The following DEPTOR variants were observed in gnomAD, a reference collection of about 807,000 sequenced individuals.
DEPTOR encodes the protein DEP domain-containing mTOR-interacting protein.
DEPTOR carries 41 observed loss-of-function variants against 41.6 expected under a neutral mutation model. That is an observed-to-expected ratio of 0.98 (90% CI 0.77 to 1.28). The LOEUF is 1.28. Ranked by LOEUF, DEPTOR falls within the 50% of genes most tolerant of loss-of-function variation. DEPTOR has a pLI of 0.00. For synonymous variants in DEPTOR, 195 were observed against 192.3 expected (o/e 1.01, Z -0.12); for missense variants, 514 against 527.9 (o/e 0.97, Z 0.26).
chr8:119,994,344 A>T (rs908276591), intron 4 of DEPTOR, among the ~76,000 whole-genome samples: 2 of 152,170 alleles, frequency 1.3e-5, no homozygotes, highest in Non-Finnish European at 2.9e-5. Flanking sequence ...TCCCTCTGGA[A>T]TACAAACTCT....
chr8:120,040,521 G>A (rs1241899932), intron 8 of DEPTOR, among the ~76,000 whole-genome samples: 1 of 152,074 alleles, frequency 6.6e-6, no homozygotes, highest in Non-Finnish European at 1.5e-5. Context: ...GGTAGGTCTT[G>A]GATAAGATCT....
At chr8:119,894,686 G>A (rs1026633890) in intron 1 of DEPTOR, among the ~76,000 whole-genome samples, 3 of 152,122 alleles carry the variant, frequency 2.0e-5, no homozygotes, top group East Asian at 1.9e-4. Context: ...GTGAGCCAAC[G>A]CGCCTGGCCT....
At chr8:119,919,877 T>A (rs906885299) in intron 1 of DEPTOR, among the ~76,000 whole-genome samples, 12 of 152,220 alleles carry the variant, frequency 7.9e-5, no homozygotes, top group Admixed American at 4.6e-4. Context: ...TGCAAGCTAT[T>A]TTTGAAAAAC....
chr8:120,040,216 G>A (rs994333304), intron 8 of DEPTOR, among the ~76,000 whole-genome samples: 12 of 152,282 alleles, frequency 7.9e-5, no homozygotes, highest in African/African-American at 2.9e-4. Flanking sequence ...TGCTCATGGT[G>A]AAAGAATGCT....
intron 8 of DEPTOR, among the ~76,000 whole-genome samples, chr8:120,013,519 T>C (rs1246841367): frequency 6.6e-6 from 1 of 152,138 alleles, no homozygotes; most frequent in African/African-American, 2.4e-5. Flanking sequence ...ACTGCAGAGT[T>C]TGGGGTGTGT....
chr8:119,875,937 G>A (rs1323455321), intron 1 of DEPTOR, among the ~76,000 whole-genome samples: 2 of 152,210 alleles, frequency 1.3e-5, no homozygotes, highest in Non-Finnish European at 1.5e-5. Context: ...AGCTGTAGCA[G>A]GCGAGTGATA....
Position 119,894,384 on chromosome 8 carries a change from T to TTTTA in DEPTOR, c.122+20440_122+20443dup, listed in dbSNP as rs35523236. Among the ~76,000 whole-genome samples, 124 of 46,484 alleles carry TTTTA rather than the reference T, an allele frequency of 2.7e-3. 1 individual carries two copies. The highest frequency in any genetic ancestry group is 0.011 in the Middle Eastern group (1 of 90). 30.5% of individuals were successfully genotyped at this position (46,484 alleles called of 152,430 possible). A position where few individuals can be genotyped will look rare whatever the true frequency, so the allele number is the denominator to read the frequency against. The stretch of plus-strand genomic sequence containing the variant: ...CTGCACCTGGCCTCTAATAGTTCTT[T>TTTTA]TTTATTTATTTATTTATTTATTTAT... On this transcript the variant is annotated intron_variant, in intron 1 of 8. Coordinates refer to ENST00000286234, the MANE Select transcript of DEPTOR (RefSeq NM_022783.4).
At chr8:119,901,675 CAAAAAAAAAAA>C (rs36026315) in intron 1 of DEPTOR, among the ~76,000 whole-genome samples, 5 of 88,298 alleles carry the variant, frequency 5.7e-5, no homozygotes, top group African/African-American at 1.8e-4. Context: ...GACTCTGTCT[CAAAAAAAAAAA>C]AAAAAAAAGA....
intron 1 of DEPTOR, among the ~76,000 whole-genome samples, chr8:119,909,031 C>T (rs1167022267): frequency 6.6e-6 from 1 of 152,176 alleles, no homozygotes; most frequent in African/African-American, 2.4e-5. Context: ...TCATTTACTT[C>T]TTGGTGCCTG....
intron 4 of DEPTOR, among the ~76,000 whole-genome samples, chr8:119,974,757 G>A (rs1161259280): frequency 1.3e-5 from 2 of 151,230 alleles, no homozygotes; most frequent in East Asian, 3.9e-4. Flanking sequence ...GGGCGACAGA[G>A]CAAGACTCTG....
Position 120,014,905 on chromosome 8 carries a change from A to G in DEPTOR, c.1101+5772A>G, listed in dbSNP as rs546896613. Among the ~76,000 whole-genome samples the G allele has an allele frequency of 1.6e-4, 9 of 57,084 alleles. No individual in the cohort carries two copies. In the East Asian group the frequency reaches 2.3e-3, roughly 14 times the overall value. 37.4% of individuals were successfully genotyped at this position (57,084 alleles called of 152,430 possible). A position where few individuals can be genotyped will look rare whatever the true frequency, so the allele number is the denominator to read the frequency against. ...TTCATGTCACAACCTTGAATGATAT[A>G]ATCTTTTTTTTTTAATCACATCAAG... is the stretch of plus-strand genomic sequence containing the variant. On this transcript the variant is annotated intron_variant, in intron 8 of 8. Transcript: ENST00000286234.
At chr8:120,028,126 A>G (rs192664125) in intron 8 of DEPTOR, among the ~76,000 whole-genome samples, 26 of 152,264 alleles carry the variant, frequency 1.7e-4, no homozygotes, top group Admixed American at 4.6e-4. Flanking sequence ...TATGAAATAT[A>G]TTGTGAAGGC....
intron 6 of DEPTOR, among the ~76,000 whole-genome samples, chr8:120,005,420 C>T (rs930180277): frequency 6.6e-6 from 1 of 152,258 alleles, no homozygotes; most frequent in African/African-American, 2.4e-5. Context: ...TGAGAGGGTG[C>T]TTCTCAGGCC....
chr8:119,994,651 C>T (rs891023218), intron 4 of DEPTOR, among the ~76,000 whole-genome samples: 1 of 152,120 alleles, frequency 6.6e-6, no homozygotes, highest in Non-Finnish European at 1.5e-5. Context: ...GGCGCAGTGG[C>T]TCACACCTGT....
At chr8:119,955,749 A>T (rs1362653314) in intron 3 of DEPTOR, among the ~76,000 whole-genome samples, 1 of 152,204 alleles carries the variant, frequency 6.6e-6, no homozygotes, top group Admixed American at 6.5e-5. Flanking sequence ...TACAGGTGTG[A>T]GCCACTGCAC....
At chr8:119,905,180 T>C (rs1827646567) in intron 1 of DEPTOR, among the ~76,000 whole-genome samples, 1 of 152,050 alleles carries the variant, frequency 6.6e-6, no homozygotes, top group South Asian at 2.1e-4. Flanking sequence ...GATGGCAATA[T>C]GAAAACCATT....
chr8:119,989,350 A>C lies in DEPTOR; in HGVS notation c.605-12175A>C, dbSNP rs544279221. Reference sequence around the variant, plus strand: ...CATTTCCAGCCAAATTACCGTCTGTAACCTGGAAACAGGAATAAATGTGGG... The same window carrying C: ...CATTTCCAGCCAAATTACCGTCTGTCACCTGGAAACAGGAATAAATGTGGG... On this transcript the variant is annotated intron_variant, in intron 4 of 8. Transcript: ENST00000286234. 9.2e-5 allele frequency among the ~76,000 whole-genome samples: 14 copies of C among 152,270 alleles called. No homozygotes were observed. The South Asian group carries it at 2.7e-3, about 29-fold the overall frequency.
At chr8:119,895,287 G>A (rs755213130) in intron 1 of DEPTOR, among the ~76,000 whole-genome samples, 2 of 152,198 alleles carry the variant, frequency 1.3e-5, no homozygotes, top group Non-Finnish European at 2.9e-5. Flanking sequence ...CCATCAGAGG[G>A]TCTACAGCCT....
chr8:119,901,806 T>C (rs1489375532), intron 1 of DEPTOR, among the ~76,000 whole-genome samples: 1 of 152,198 alleles, frequency 6.6e-6, no homozygotes, highest in African/African-American at 2.4e-5. Flanking sequence ...CTTTGGTCTG[T>C]AGAATCACAA....
Sources: gnomAD v4.1 joint callset for allele counts (sites outside exome capture counted in the v4.1 genomes callset) on GRCh38, gnomAD v4.1.1 for gene constraint, MANE v1.5 for transcripts, NCBI Gene and HGNC (gene_info 2026-07-23, HGNC 2026-07-21) for gene names.